RSL24D1: variants seen among roughly 807,000 people sequenced by gnomAD.
The protein encoded by RSL24D1 is probable ribosome biogenesis protein RLP24.
A neutral mutation model predicts 26.2 loss-of-function variants in RSL24D1; 6 were observed. The observed-to-expected ratio is 0.23, with a 90% CI of 0.13 to 0.45. The LOEUF is 0.45. Ranked by LOEUF, RSL24D1 falls within the 20% of genes least tolerant of loss-of-function variation. RSL24D1 has a pLI of 0.99. For synonymous variants in RSL24D1, 61 were observed against 59.1 expected (o/e 1.03, Z -0.15); for missense variants, 176 against 202.6 (o/e 0.87, Z 0.80).
At position 55,196,880 on chromosome 15, in the gene RSL24D1, T is replaced by G; in HGVS notation, c.11A>C (p.Glu4Ala). 5 of 1,614,126 alleles carry G rather than the reference T, an allele frequency of 3.1e-6. No individual in the cohort carries two copies. The highest frequency in any genetic ancestry group is 4.2e-6 in the Non-Finnish European group (5 of 1,180,000). Residue 4 changes from glutamate (E) to alanine (A), a missense_variant, in exon 1 of 6, where the codon GAA becomes GCA. By Grantham distance (107) the Glu-to-Ala change is moderately radical. Coordinates refer to ENST00000260443, the MANE Select transcript of RSL24D1 (RefSeq NM_016304.3). ...GGGCCCCGAACAGAAATAACACTTTTCGATACGCATGTTGAACCCGCGTGT... is the reference window on the plus strand; with the variant it reads ...GGGCCCCGAACAGAAATAACACTTTGCGATACGCATGTTGAACCCGCGTGT... Reference protein sequence around the residue: MRIEKCYFCSGPIY... With the variant: MRIAKCYFCSGPIY...
chr15:55,189,715 C>A (rs1027884168), intron 3 of RSL24D1, among the ~76,000 whole-genome samples: 14 of 152,092 alleles, frequency 9.2e-5, no homozygotes, highest in African/African-American at 3.4e-4. Context: ...AGATTGGATG[C>A]CCCTGGTTCA....
chr15:55,187,272 CT>C (rs1236869865), intron 3 of RSL24D1, among the ~76,000 whole-genome samples: 9 of 152,112 alleles, frequency 5.9e-5, no homozygotes, highest in South Asian at 4.1e-4. Flanking sequence ...GGATATATAA[CT>C]TTTTTTCTTT....
At chr15:55,192,363 A>C (rs1894307278) in intron 2 of RSL24D1, 1 of 169,526 alleles carries the variant, frequency 5.9e-6, no homozygotes, top group Admixed American at 6.2e-5. Context: ...CCTGCTAAGG[A>C]AATCCAGAAA....
At chr15:55,190,811 A>C (rs1301204511) in intron 3 of RSL24D1, among the ~76,000 whole-genome samples, 164 bp downstream of exon 3, 1 of 152,220 alleles carries the variant, frequency 6.6e-6, no homozygotes, top group Non-Finnish European at 1.5e-5. Context: ...AAAATGATGA[A>C]AGATCTGACT....
At chr15:55,196,271 G>T (rs545678126) in intron 1 of RSL24D1, 2 of 452,006 alleles carry the variant, frequency 4.4e-6, no homozygotes, top group East Asian at 1.4e-4. Context: ...GGCCCCCTCC[G>T]CTTTCTTCCG....
At chr15:55,194,692 T>C (rs1251311322) in intron 1 of RSL24D1, among the ~76,000 whole-genome samples, 1 of 152,088 alleles carries the variant, frequency 6.6e-6, no homozygotes, top group African/African-American at 2.4e-5. Flanking sequence ...AACCCATTTA[T>C]GCCTAAGAAG....
chr15:55,189,928 A>C (rs1206929868), intron 3 of RSL24D1, among the ~76,000 whole-genome samples: 2 of 152,214 alleles, frequency 1.3e-5, no homozygotes, highest in Non-Finnish European at 2.9e-5. Context: ...TACAGGCTGC[A>C]TAAAGGTAGC....
Position 55,181,661 on chromosome 15 carries a change from A to T in RSL24D1, c.*491T>A. 1 of 155,348 alleles carries T rather than the reference A, an allele frequency of 6.4e-6. No individual in the cohort carries two copies. Among genetic ancestry groups the T allele is most frequent in the South Asian group, 2.0e-4 (1 of 5,128 alleles). The allele number at this position is 155,348 out of a possible 1,614,324, so 9.6% of individuals were successfully genotyped here. The stretch of plus-strand genomic sequence containing the variant: ...TAATTAGGCTTCATCAAACAATGTC[A>T]TTATGCTCTTCTAAGATGCAAATAA... On this transcript the variant is annotated 3_prime_UTR_variant, in exon 6 of 6. Transcript: ENST00000260443.
intron 3 of RSL24D1, among the ~76,000 whole-genome samples, chr15:55,190,242 T>C (rs1382792680): frequency 3.0e-5 from 3 of 99,592 alleles, no homozygotes; most frequent in Non-Finnish European, 5.5e-5. Context: ...AGCAAGACTT[T>C]CCAACTCAAA....
At position 55,192,770 on chromosome 15, in the gene RSL24D1, C is replaced by A. The variant is rs751351733; in HGVS notation, c.145G>T (p.Val49Phe). 6.2e-7 allele frequency: 1 copy of A among 1,613,870 alleles called. No individual in the cohort carries two copies. The highest frequency in any genetic ancestry group is 2.2e-5 in the East Asian group (1 of 44,876). ...TTCCGGAATGCTTTGGTCCACCTAA[C>A]TTTGCGAGGATTGCGCTTCTTTTTA... is the stretch of plus-strand genomic sequence containing the variant. The part of the protein sequence containing the change: ...NFKKKRNPRK[V>F]RWTKAFRKAA... The change falls in exon 2 of 6, where the codon GTT (valine) becomes TTT (phenylalanine). Residue 49 changes from valine (V) to phenylalanine (F), a missense_variant. Val to Phe is a conservative substitution (Grantham distance 50). Transcript: ENST00000260443.
intron 1 of RSL24D1, 54 bp downstream of exon 1, chr15:55,196,756 G>A: frequency 6.3e-7 from 1 of 1,576,356 alleles, no homozygotes; most frequent in African/African-American, 1.4e-5. Context: ...GAGCCGCCGC[G>A]CCCAGGAACC....
At chr15:55,195,047 G>A (rs975422177) in intron 1 of RSL24D1, among the ~76,000 whole-genome samples, 6 of 139,096 alleles carry the variant, frequency 4.3e-5, no homozygotes, top group African/African-American at 1.6e-4. Flanking sequence ...AAAAAAAAAG[G>A]CTAGATAAGA....
intron 1 of RSL24D1, chr15:55,196,565 G>C: frequency 3.4e-6 from 2 of 589,778 alleles, no homozygotes; most frequent in Non-Finnish European, 6.1e-6. Flanking sequence ...GATCGCTCCT[G>C]AAGTTCCTCG....
At chr15:55,182,974 G>T (rs918268939) in intron 5 of RSL24D1, among the ~76,000 whole-genome samples, 5 of 152,076 alleles carry the variant, frequency 3.3e-5, no homozygotes, top group African/African-American at 1.2e-4. Context: ...CCCCAAGTTG[G>T]TAATTCTGAT....
At chr15:55,190,916 T>C in intron 3 of RSL24D1, 59 bp downstream of exon 3, 1 of 1,086,328 alleles carries the variant, frequency 9.2e-7, no homozygotes, top group Non-Finnish European at 1.4e-6. Flanking sequence ...CACTTAAAGT[T>C]ATAGTATTAT....
chr15:55,193,668 A>G (rs1442972479), intron 1 of RSL24D1, among the ~76,000 whole-genome samples: 1 of 152,226 alleles, frequency 6.6e-6, no homozygotes, highest in Non-Finnish European at 1.5e-5. Flanking sequence ...ATCACAAATC[A>G]TAATACTTTT....
At chr15:55,188,715 C>A (rs751946139) in intron 3 of RSL24D1, among the ~76,000 whole-genome samples, 1 of 152,174 alleles carries the variant, frequency 6.6e-6, no homozygotes, top group Non-Finnish European at 1.5e-5. Context: ...GCATGGAGGA[C>A]CATGGAACTG....
chr15:55,187,090 T>C (rs767197810), intron 3 of RSL24D1, among the ~76,000 whole-genome samples: 8 of 152,154 alleles, frequency 5.3e-5, no homozygotes, highest in Non-Finnish European at 1.0e-4. Flanking sequence ...TTGTTAGAAA[T>C]GAAGGATTTC....
At position 55,182,192 on chromosome 15, in the gene RSL24D1, T is replaced by C. The variant is rs766430929; in HGVS notation, c.452A>G (p.Gln151Arg). Residue 151 changes from glutamine to arginine, a missense_variant, in exon 6 of 6, where the codon CAG (glutamine) becomes CGG (arginine). Physicochemically the swap from Gln to Arg is conservative, Grantham distance 43 (BLOSUM62 1). This residue lies in a region of RSL24D1 where 43 missense variants were observed against 38.7 expected (regional missense o/e 1.11). Coordinates refer to ENST00000260443, the MANE Select transcript of RSL24D1 (RefSeq NM_016304.3). ...CATGTCCACATCCTCTTGTAACTGC[T>C]GTACCATTTTCTCTTCCAACTGTTT... is the stretch of plus-strand genomic sequence containing the variant. ...KGKQLEEKMV[Q>R]QLQEDVDMED... The C allele has an allele frequency of 3.7e-6, 6 of 1,609,000 alleles. No homozygotes were observed. Among genetic ancestry groups the C allele is most frequent in the Non-Finnish European group, 5.1e-6 (6 of 1,175,880 alleles).
Sources: allele counts gnomAD v4.1 joint callset (sites outside exome capture counted in the v4.1 genomes callset), GRCh38; gene constraint gnomAD v4.1.1; regional missense constraint gnomAD v4.1.1; transcripts MANE v1.5; gene names NCBI Gene and HGNC (gene_info 2026-07-23, HGNC 2026-07-21).